The following TRIQK variants were observed in gnomAD, a reference collection of about 807,000 sequenced individuals.
TRIQK encodes triple QxxK/R motif containing, also known as triple QxxK/R motif-containing protein.
Under a neutral mutation model 10.8 loss-of-function variants are expected in TRIQK, and 10 were observed. The ratio of observed to expected loss-of-function variants is 0.92; its 90% CI spans 0.57 to 1.57. The LOEUF is 1.57. Ranked by LOEUF, TRIQK falls within the 40% of genes most tolerant of loss-of-function variation. TRIQK has a pLI of 0.00. For synonymous variants in TRIQK, 33 were observed against 33.7 expected, an observed-to-expected ratio of 0.98 and a Z score of 0.07; for missense variants, 107 against 97.7, an observed-to-expected ratio of 1.09 and a Z score of -0.40.
chr8:93,011,105 A>G (rs1813327332), intron 1 of TRIQK, among the ~76,000 whole-genome samples: 1 of 151,856 alleles, frequency 6.6e-6, no homozygotes, highest in African/African-American at 2.4e-5. Flanking sequence ...AATGGACCGT[A>G]TAGGATTCTG....
At chr8:92,931,350 C>A (rs1200868137) in intron 2 of TRIQK, among the ~76,000 whole-genome samples, 1 of 152,080 alleles carries the variant, frequency 6.6e-6, no homozygotes, top group East Asian at 1.9e-4. Flanking sequence ...GATAAAACTA[C>A]TATTAATAAG....
At chr8:93,003,309 GGA>G (rs71565204) in intron 1 of TRIQK, among the ~76,000 whole-genome samples, 2,825 of 135,362 alleles carry the variant, frequency 0.021, 44 homozygotes, top group South Asian at 0.029. Context: ...CCCGCTTACA[GGA>G]GAGAGAGAGA....
chr8:93,002,763 T>TA (rs1207124684), intron 1 of TRIQK, among the ~76,000 whole-genome samples: 1 of 151,466 alleles, frequency 6.6e-6, no homozygotes, highest in Non-Finnish European at 1.5e-5. Flanking sequence ...CTACTAAAAA[T>TA]AAAAAAATTA....
In TRIQK at chr8:92,885,971, C is replaced by T. The variant is rs546117735; in HGVS notation, c.*651G>A. ...CCAAGATCAACTGAGCTTCTATTTA[C>T]ACCAGTTCAGACAGCCCAAGAGGAA... On this transcript the variant is annotated 3_prime_UTR_variant, in exon 5 of 5. Coordinates refer to ENST00000521988, the MANE Select transcript of TRIQK (RefSeq NM_001171797.2). 5.9e-5 allele frequency: 9 copies of T among 151,750 alleles called. No homozygotes were observed. The highest frequency in any genetic ancestry group is 3.3e-4 in the Admixed American group (5 of 15,178). The allele number at this position is 151,750 out of a possible 1,614,324, so 9.4% of individuals were successfully genotyped here.
At chr8:92,957,601 A>G (rs1266815227) in intron 1 of TRIQK, among the ~76,000 whole-genome samples, 1 of 151,938 alleles carries the variant, frequency 6.6e-6, no homozygotes, top group Non-Finnish European at 1.5e-5. Flanking sequence ...TAAATATCTA[A>G]GCAAAGAAAA....
At chr8:92,945,126 C>G (rs180860253) in intron 2 of TRIQK, among the ~76,000 whole-genome samples, 2 of 152,198 alleles carry the variant, frequency 1.3e-5, no homozygotes, top group Admixed American at 1.3e-4. Context: ...ACCCATTATC[C>G]TATGTTGGGC....
chr8:92,987,177 G>C (rs937851021), intron 1 of TRIQK, among the ~76,000 whole-genome samples: 14 of 152,090 alleles, frequency 9.2e-5, no homozygotes, highest in African/African-American at 2.9e-4. Flanking sequence ...AGAAAATAAT[G>C]CCATCACATA....
At chr8:92,951,552 A>G (rs1811908017) in intron 2 of TRIQK, among the ~76,000 whole-genome samples, 1 of 152,104 alleles carries the variant, frequency 6.6e-6, no homozygotes, top group Admixed American at 6.6e-5. Context: ...AAAAGTCTGA[A>G]TGAAAAACTC....
intron 2 of TRIQK, among the ~76,000 whole-genome samples, chr8:92,949,833 AGAAAGAAAG>A: frequency 7.4e-6 from 1 of 135,026 alleles, no homozygotes; most frequent in African/African-American, 2.8e-5. Context: ...AAAGAAAGAA[AGAAAGAAAG>A]GGAGAGAAAA....
chr8:92,989,610 G>A (rs1813075544), intron 1 of TRIQK, among the ~76,000 whole-genome samples: 1 of 152,152 alleles, frequency 6.6e-6, no homozygotes, highest in Admixed American at 6.5e-5. Context: ...CTAGTTGCAG[G>A]AAAACAAGCT....
chr8:92,938,752 A>T (rs1449098778), intron 2 of TRIQK, among the ~76,000 whole-genome samples: 1 of 152,112 alleles, frequency 6.6e-6, no homozygotes, highest in Non-Finnish European at 1.5e-5. Flanking sequence ...CTTCAAGCAC[A>T]CTGAACTTGT....
At chr8:92,969,451 A>G (rs1003526912), upstream of TRIQK, among the ~76,000 whole-genome samples, 3 of 151,934 alleles carry the variant, frequency 2.0e-5, no homozygotes, top group African/African-American at 7.2e-5. Flanking sequence ...CATATGGTTT[A>G]TCTTTATGAC....
chr8:92,996,552 G>A (rs1285041403), intron 1 of TRIQK, among the ~76,000 whole-genome samples: 2 of 151,924 alleles, frequency 1.3e-5, no homozygotes, highest in Non-Finnish European at 2.9e-5. Flanking sequence ...GCTAATAAAG[G>A]AAGTGACATG....
intron 2 of TRIQK, among the ~76,000 whole-genome samples, chr8:92,941,705 A>T (rs1367045518): frequency 6.6e-6 from 1 of 152,170 alleles, no homozygotes; most frequent in African/African-American, 2.4e-5. Context: ...CTACATTTTT[A>T]AAAAAGAGAA....
chr8:92,933,701 T>C (rs951858271), intron 2 of TRIQK, among the ~76,000 whole-genome samples: 1 of 152,148 alleles, frequency 6.6e-6, no homozygotes, highest in African/African-American at 2.4e-5. Context: ...TATGTTTACA[T>C]GGGTATTTAT....
chr8:92,949,391 T>A (rs868761439), intron 2 of TRIQK, among the ~76,000 whole-genome samples: 1 of 152,128 alleles, frequency 6.6e-6, no homozygotes, highest in Non-Finnish European at 1.5e-5. Flanking sequence ...TATGTTGTAA[T>A]GGTTAAATTA....
chr8:93,010,090 G>C (rs1481212069), intron 1 of TRIQK, among the ~76,000 whole-genome samples: 1 of 152,144 alleles, frequency 6.6e-6, no homozygotes, highest in Non-Finnish European at 1.5e-5. Flanking sequence ...GAGTATAACA[G>C]TGGTTATCAG....
In TRIQK at chr8:92,944,529, T is replaced by TA. The variant is rs1811424918; in HGVS notation, c.-22+9876dup. On this transcript the variant is annotated intron_variant, in intron 2 of 4. Transcript: ENST00000521988. Reference sequence around the variant, plus strand: ...TATGGAATGAAATACTATCCAGCCATAAAAAAGAATGAAATCCTGGCACTC... The same window carrying TA: ...TATGGAATGAAATACTATCCAGCCATAAAAAAAGAATGAAATCCTGGCACTC... Among the ~76,000 whole-genome samples the TA allele has an allele frequency of 2.6e-5, 4 of 152,034 alleles. No individual in the cohort carries two copies. In the South Asian group the frequency reaches 8.3e-4, roughly 32 times the overall value.
chr8:92,911,902 CAT>C (rs3061292), intron 3 of TRIQK, among the ~76,000 whole-genome samples: 511 of 140,122 alleles, frequency 3.6e-3, no homozygotes, highest in African/African-American at 6.5e-3. Context: ...TGTGTGTAGA[CAT>C]ATATATATAT....
Sources: allele counts gnomAD v4.1 joint callset (sites outside exome capture counted in the v4.1 genomes callset), GRCh38; gene constraint gnomAD v4.1.1; transcripts MANE v1.5; gene names NCBI Gene and HGNC (gene_info 2026-07-23, HGNC 2026-07-21).